The following HEG1 variants were observed in gnomAD, a reference collection of about 807,000 sequenced individuals.
HEG1 encodes heart development protein with EGF like domains 1.
In HEG1, 56 loss-of-function variants were observed where a neutral mutation model predicts 125.6. That is an observed-to-expected ratio of 0.45 (90% CI 0.36 to 0.56). The LOEUF (loss-of-function observed/expected upper bound fraction) is 0.56. Ranked by LOEUF, HEG1 falls within the 20% of genes least tolerant of loss-of-function variation. HEG1 has a pLI of 0.00. For synonymous variants in HEG1, 644 were observed against 668.5 expected (o/e 0.96, Z 0.57); for missense variants, 1,523 against 1,670.0 (o/e 0.91, Z 1.53).
chr3:124,972,604 G>T (rs990368445), intron 16 of HEG1, among the ~76,000 whole-genome samples: 9 of 152,162 alleles, frequency 5.9e-5, no homozygotes, highest in Admixed American at 3.3e-4. Flanking sequence ...TCACAAGATT[G>T]TCTAACACCA....
chr3:124,973,706 G>A, intron 16 of HEG1, 25 bp downstream of exon 16: 2 of 1,584,596 alleles, frequency 1.3e-6, no homozygotes, highest in Non-Finnish European at 1.7e-6. Context: ...GGGCCCTGGG[G>A]TCATCCTGAC....
At chr3:124,995,339 T>A (rs1256143276) in intron 12 of HEG1, among the ~76,000 whole-genome samples, 1 of 151,924 alleles carries the variant, frequency 6.6e-6, no homozygotes. Context: ...GATGCCTGCA[T>A]GATGGAAGGA....
intron 1 of HEG1, among the ~76,000 whole-genome samples, chr3:125,034,371 A>C (rs1937533962): frequency 1.3e-5 from 2 of 152,218 alleles, no homozygotes; most frequent in African/African-American, 4.8e-5. Context: ...AATTTTTTTA[A>C]AAAGAGACTA....
Position 125,013,404 on chromosome 3 carries a change from T to G in HEG1, c.2175A>C (p.Thr725=). 6 of 1,613,956 alleles carry G rather than the reference T, an allele frequency of 3.7e-6. No individual in the cohort carries two copies. The highest frequency in any genetic ancestry group is 5.1e-6 in the Non-Finnish European group (6 of 1,179,886). ...SPSPLPVSLT[T]STSAPLSVSQ... ...AGACAGAAAGTGGGGCAGATGTAGA[T>G]GTCGTTAAGGATACTGGTAAAGGTG... The change falls in exon 6 of 17, where the codon ACA becomes ACC. Residue 725 remains threonine (T), a synonymous_variant. Coordinates refer to ENST00000311127, the MANE Select transcript of HEG1 (RefSeq NM_020733.2).
intron 16 of HEG1, among the ~76,000 whole-genome samples, chr3:124,972,635 G>T (rs1443199652): frequency 3.3e-5 from 5 of 152,156 alleles, no homozygotes; most frequent in Middle Eastern, 3.2e-3. Flanking sequence ...ATGGGGCAAG[G>T]TTTCACATTT....
intron 1 of HEG1, among the ~76,000 whole-genome samples, chr3:125,032,252 G>A (rs930814790): frequency 6.6e-6 from 1 of 152,220 alleles, no homozygotes; most frequent in Non-Finnish European, 1.5e-5. Flanking sequence ...TCTAGAAGCA[G>A]TGGCTCACTT....
intron 12 of HEG1, among the ~76,000 whole-genome samples, chr3:124,993,309 T>A (rs569660912): frequency 6.6e-6 from 1 of 152,242 alleles, no homozygotes; most frequent in Non-Finnish European, 1.5e-5. Context: ...TCTTATATTA[T>A]CAAATCAGTT....
chr3:125,041,219 T>G (rs1226993450), intron 1 of HEG1, among the ~76,000 whole-genome samples: 1 of 152,200 alleles, frequency 6.6e-6, no homozygotes, highest in Non-Finnish European at 1.5e-5. Flanking sequence ...ACATCCTTCA[T>G]TCTGGCCAAA....
At chr3:125,054,922 C>T (rs1449860698) in intron 1 of HEG1, among the ~76,000 whole-genome samples, 1 of 152,178 alleles carries the variant, frequency 6.6e-6, no homozygotes, top group African/African-American at 2.4e-5. Context: ...TCAGTTCCTT[C>T]TCTCTGCGTG....
intron 7 of HEG1, among the ~76,000 whole-genome samples, chr3:125,010,122 G>C (rs1579414933): frequency 6.6e-6 from 1 of 152,190 alleles, no homozygotes; most frequent in South Asian, 2.1e-4. Context: ...CAACTGGAAG[G>C]ACTTTAATCA....
intron 16 of HEG1, among the ~76,000 whole-genome samples, chr3:124,972,623 C>G (rs1477233318): frequency 6.6e-6 from 1 of 152,150 alleles, no homozygotes; most frequent in Non-Finnish European, 1.5e-5. Flanking sequence ...CATTAAGTCC[C>G]CATGGGGCAA....
Position 125,019,417 on chromosome 3 carries a change from T to C in HEG1, c.1433A>G (p.Glu478Gly), listed in dbSNP as rs373755181. The C allele has an allele frequency of 1.9e-6, 3 of 1,613,870 alleles. No homozygotes were observed. Among genetic ancestry groups the C allele is most frequent in the Non-Finnish European group, 2.5e-6 (3 of 1,179,882 alleles). ...DVTGSSASYPEGVNASVLTQF... is the reference protein window; with the variant it reads ...DVTGSSASYPGGVNASVLTQF... ...GGTCAACACTGAAGCATTCACACCTTCAGGATATGAAGCAGAGCTTCCTGT... is the reference window on the plus strand; with the variant it reads ...GGTCAACACTGAAGCATTCACACCTCCAGGATATGAAGCAGAGCTTCCTGT... The change falls in exon 5 of 17, where the codon GAA becomes GGA. Residue 478 changes from glutamate (E) to glycine (G), a missense_variant. Glu to Gly is a moderately conservative substitution (Grantham distance 98). Transcript: ENST00000311127.
chr3:125,008,841 T>C (rs1343435111), intron 8 of HEG1, among the ~76,000 whole-genome samples: 1 of 152,216 alleles, frequency 6.6e-6, no homozygotes, highest in East Asian at 1.9e-4. Context: ...AAACTCTGTA[T>C]CTTTCATTTC....
chr3:124,990,558 C>CT (rs1351089549), intron 14 of HEG1, among the ~76,000 whole-genome samples: 2 of 152,162 alleles, frequency 1.3e-5, no homozygotes, highest in Admixed American at 6.5e-5. Flanking sequence ...AGAATGGTCT[C>CT]TAACTCCTGG....
chr3:125,007,198 CA>C (rs1212172102), intron 8 of HEG1, among the ~76,000 whole-genome samples: 219 of 54,704 alleles, frequency 4.0e-3, no homozygotes, highest in Middle Eastern at 0.025. Flanking sequence ...GACTCCGTCT[CA>C]AAAAAAAAAA....
At position 125,013,708 on chromosome 3, in the gene HEG1, T is replaced by A. The variant is rs762369033; in HGVS notation, c.1871A>T (p.Glu624Val). Residue 624 changes from glutamate (E) to valine (V), a missense_variant, in exon 6 of 17, where the codon GAG becomes GTG. By Grantham distance (121) the Glu-to-Val change is moderately radical. Transcript: ENST00000311127. ...YDGEYAQPST[E>V]SPVLHTSNLP... is the part of the protein sequence containing the mutation. The stretch of plus-strand genomic sequence containing the variant: ...GTTGGATGTATGCAGAACTGGCGAC[T>A]CAGTAGAAGGCTGAGCATATTCCCC... 11 of 1,614,000 alleles carry A rather than the reference T, an allele frequency of 6.8e-6. No individual in the cohort carries two copies. Among genetic ancestry groups the A allele is most frequent in the South Asian group, 1.1e-5 (1 of 91,074 alleles).
chr3:124,985,903 G>C (rs898447087), intron 14 of HEG1, among the ~76,000 whole-genome samples: 3 of 152,148 alleles, frequency 2.0e-5, no homozygotes, highest in African/African-American at 4.8e-5. Context: ...TCAGCCTCCC[G>C]CGTAGCTGGG....
chr3:124,978,106 A>C (rs1229263042), intron 14 of HEG1, among the ~76,000 whole-genome samples, 160 bp from the exon 15 acceptor site: 8 of 152,174 alleles, frequency 5.3e-5, no homozygotes, highest in African/African-American at 1.9e-4. Flanking sequence ...CTCAATGGCT[A>C]TCTCCAAGGC....
chr3:124,987,733 G>C (rs557768675), intron 14 of HEG1, among the ~76,000 whole-genome samples: 2 of 150,616 alleles, frequency 1.3e-5, no homozygotes, highest in Non-Finnish European at 3.0e-5. Flanking sequence ...TGTTAGCCAG[G>C]ACGGTCTCAA....
Sources: allele counts gnomAD v4.1 joint callset (sites outside exome capture counted in the v4.1 genomes callset), GRCh38; gene constraint gnomAD v4.1.1; transcripts MANE v1.5; gene names NCBI Gene and HGNC (gene_info 2026-07-23, HGNC 2026-07-21).